Variants in FAT3 observed in about 807,000 individuals in gnomAD.
FAT3 encodes the protein FAT atypical cadherin 3.
FAT3 carries 95 observed loss-of-function variants against 310.2 expected under a neutral mutation model. The observed-to-expected ratio is 0.31, with a 90% CI of 0.26 to 0.36. FAT3 has a LOEUF of 0.36. Among genes scored for constraint, FAT3 ranks in the 10% least tolerant of loss-of-function variants. FAT3 has a pLI of 1.00. For missense variants in FAT3, 5,408 were observed against 5,715.6 expected (o/e 0.95, Z 1.74); for synonymous variants, 2,314 against 2,192.9 (o/e 1.06, Z -1.54).
chr11:92,432,554 G>A (rs936556406), intron 2 of FAT3, among the ~76,000 whole-genome samples: 43 of 152,246 alleles, frequency 2.8e-4, no homozygotes, highest in Non-Finnish European at 4.9e-4. Context: ...TGCTGGAGGT[G>A]TACTCCAGAC....
intron 19 of FAT3, among the ~76,000 whole-genome samples, chr11:92,853,730 C>A (rs1318494055): frequency 6.6e-6 from 1 of 152,160 alleles, no homozygotes; most frequent in Non-Finnish European, 1.5e-5. Flanking sequence ...TGGGTAGCTC[C>A]TCTCTGCAGC....
chr11:92,571,955 A>G (rs953532560), intron 3 of FAT3, among the ~76,000 whole-genome samples: 4 of 152,188 alleles, frequency 2.6e-5, no homozygotes, highest in Admixed American at 1.3e-4. Flanking sequence ...TCACTGTCCC[A>G]TATTTGGGGA....
In FAT3 at chr11:92,352,774, A is replaced by T. The variant is rs761805115; in HGVS notation, c.662A>T (p.Tyr221Phe). 2 of 1,613,898 alleles carry T rather than the reference A, an allele frequency of 1.2e-6. No individual in the cohort carries two copies. Among genetic ancestry groups the T allele is most frequent in the Non-Finnish European group, 1.7e-6 (2 of 1,179,882 alleles). The change falls in exon 2 of 28, where the codon TAT (tyrosine) becomes TTT (phenylalanine). Residue 221 changes from tyrosine to phenylalanine, a missense_variant. Tyr to Phe is a conservative substitution (Grantham distance 22). Transcript: ENST00000525166. ...GVISLSGRLN[Y>F]DEKNRYDLEI... ...ATCTCCTTAAGTGGTCGATTAAATT[A>T]TGATGAAAAGAATAGGTATGATCTG...
intron 3 of FAT3, among the ~76,000 whole-genome samples, chr11:92,586,716 T>C (rs937321092): frequency 2.0e-5 from 3 of 152,020 alleles, no homozygotes; most frequent in Non-Finnish European, 4.4e-5. Context: ...GATTAAAATG[T>C]GTCTCTGTTA....
intron 4 of FAT3, among the ~76,000 whole-genome samples, chr11:92,732,732 C>A (rs187132736): frequency 7.0e-4 from 107 of 152,274 alleles, no homozygotes; most frequent in African/African-American, 2.4e-3. Context: ...AAAGAAATAA[C>A]ATGTTAATTA....
chr11:92,630,489 G>A (rs992329693), intron 3 of FAT3, among the ~76,000 whole-genome samples: 1 of 152,144 alleles, frequency 6.6e-6, no homozygotes, highest in South Asian at 2.1e-4. Context: ...GAGTATATGT[G>A]TGTCTGGATG....
chr11:92,252,848 A>G (rs1865186060), intron 1 of FAT3, among the ~76,000 whole-genome samples: 1 of 152,116 alleles, frequency 6.6e-6, no homozygotes, highest in African/African-American at 2.4e-5. Flanking sequence ...TCCAGTAGCA[A>G]TATGATTAAT....
At chr11:92,804,298 G>A (rs924135028) in intron 10 of FAT3, among the ~76,000 whole-genome samples, 1 of 151,582 alleles carries the variant, frequency 6.6e-6, no homozygotes, top group East Asian at 2.0e-4. Flanking sequence ...CTGACTTACC[G>A]CCAGTGGTCT....
At chr11:92,237,538 A>G (rs1032783554) in intron 1 of FAT3, among the ~76,000 whole-genome samples, 10 of 152,184 alleles carry the variant, frequency 6.6e-5, no homozygotes, top group Non-Finnish European at 8.8e-5. Flanking sequence ...AACACTGGTG[A>G]GAATATTATA....
chr11:92,401,831 A>G (rs927142811), intron 2 of FAT3, among the ~76,000 whole-genome samples: 10 of 152,210 alleles, frequency 6.6e-5, no homozygotes, highest in African/African-American at 2.4e-4. Context: ...ACCAGTAGCT[A>G]CAATAAACAT....
At chr11:92,254,096 T>A (rs1011514449) in intron 1 of FAT3, among the ~76,000 whole-genome samples, 1 of 152,192 alleles carries the variant, frequency 6.6e-6, no homozygotes, top group Non-Finnish European at 1.5e-5. Context: ...CACACTCTGA[T>A]GGGCTCTGGG....
intron 2 of FAT3, among the ~76,000 whole-genome samples, chr11:92,473,248 A>G (rs1286918773): frequency 6.6e-6 from 1 of 152,192 alleles, no homozygotes. Flanking sequence ...AGTACTTACC[A>G]TAGAGCAGGC....
At chr11:92,680,156 G>A (rs1438502670) in intron 3 of FAT3, among the ~76,000 whole-genome samples, 1 of 148,648 alleles carries the variant, frequency 6.7e-6, no homozygotes, top group Non-Finnish European at 1.5e-5. Context: ...CTATGCTTTT[G>A]AGATCTTGGC....
intron 17 of FAT3, 89 bp downstream of exon 17, chr11:92,837,895 T>G: frequency 6.7e-7 from 1 of 1,491,146 alleles, no homozygotes; most frequent in Non-Finnish European, 9.3e-7. Flanking sequence ...TTATTGCTAC[T>G]ATTACTTAAT....
chr11:92,272,297 G>A (rs1227887243), intron 1 of FAT3, among the ~76,000 whole-genome samples: 1 of 152,016 alleles, frequency 6.6e-6, no homozygotes, highest in East Asian at 1.9e-4. Flanking sequence ...AGCACATAAG[G>A]CCGAGTGGGC....
intron 6 of FAT3, among the ~76,000 whole-genome samples, chr11:92,768,926 A>G (rs1404254231): frequency 6.6e-6 from 1 of 152,210 alleles, no homozygotes; most frequent in Non-Finnish European, 1.5e-5. Flanking sequence ...TGACACTTAC[A>G]GCTTACTAAT....
At chr11:92,774,561 T>C (rs1257830289) in intron 7 of FAT3, among the ~76,000 whole-genome samples, 3 of 152,176 alleles carry the variant, frequency 2.0e-5, no homozygotes, top group African/African-American at 7.2e-5. Context: ...TCACAGAAAG[T>C]TATAGCTAAA....
intron 1 of FAT3, among the ~76,000 whole-genome samples, chr11:92,302,627 T>C (rs877644): frequency 0.71 from 108,092 of 152,004 alleles, 38,732 homozygotes; most frequent in African/African-American, 0.8. Flanking sequence ...TACAAACAGT[T>C]TCTGCATTTA....
At chr11:92,605,825 T>C (rs1471790430) in intron 3 of FAT3, among the ~76,000 whole-genome samples, 1 of 150,750 alleles carries the variant, frequency 6.6e-6, no homozygotes, top group East Asian at 2.0e-4. Context: ...CCAAAAATGT[T>C]CCCAGTCTTC....
Sources: allele counts gnomAD v4.1 joint callset (sites outside exome capture counted in the v4.1 genomes callset), GRCh38; gene constraint gnomAD v4.1.1; transcripts MANE v1.5; gene names NCBI Gene and HGNC (gene_info 2026-07-23, HGNC 2026-07-21).